The following PID1 variants were observed in gnomAD, a reference collection of about 807,000 sequenced individuals.
PID1 encodes phosphotyrosine interaction domain containing 1.
In PID1, 10 loss-of-function variants were observed where a neutral mutation model predicts 19.1. That is an observed-to-expected ratio of 0.52 (90% CI 0.32 to 0.89). The LOEUF (loss-of-function observed/expected upper bound fraction) is 0.89. Among genes scored for constraint, PID1 ranks in the 40% least tolerant of loss-of-function variants. The pLI, the probability that PID1 is intolerant of heterozygous loss-of-function variation, is 0.03. For synonymous variants in PID1, 130 were observed against 116.0 expected, an observed-to-expected ratio of 1.12 and a Z score of -0.78; for missense variants, 248 against 285.3, an observed-to-expected ratio of 0.87 and a Z score of 0.94.
chr2:229,231,818 T>G, intron 1 of PID1: 1 of 1,508,942 alleles, frequency 6.6e-7, no homozygotes, highest in Non-Finnish European at 8.9e-7. Flanking sequence ...CCAAACCTAC[T>G]TCCCACTCCT....
At chr2:229,096,102 C>A (rs896727824) in intron 2 of PID1, among the ~76,000 whole-genome samples, 4 of 152,112 alleles carry the variant, frequency 2.6e-5, no homozygotes, top group African/African-American at 9.7e-5. Context: ...TGTCTACAAG[C>A]AAAATTCTCT....
chr2:229,089,763 T>C (rs1445351903), intron 2 of PID1, among the ~76,000 whole-genome samples: 1 of 152,202 alleles, frequency 6.6e-6, no homozygotes, highest in Non-Finnish European at 1.5e-5. Flanking sequence ...AAAGACAACA[T>C]AGACTTCAGA....
chr2:229,208,539 G>GATC (rs1417523879), intron 1 of PID1, among the ~76,000 whole-genome samples: 2 of 152,212 alleles, frequency 1.3e-5, no homozygotes, highest in Non-Finnish European at 2.9e-5. Flanking sequence ...TTTATGCAGA[G>GATC]ATCTAGGAGC....
At position 229,065,729 on chromosome 2, in the gene PID1, A is replaced by AAAAAAAAAAAAAAAAG. The variant is rs765746020; in HGVS notation, c.178-39622_178-39621insCTTTTTTTTTTTTTTT. 1.0e-3 allele frequency among the ~76,000 whole-genome samples: 143 copies of AAAAAAAAAAAAAAAAG among 140,702 alleles called. 7 individuals carry two copies. Among genetic ancestry groups the AAAAAAAAAAAAAAAAG allele is most frequent in the African/African-American group, 3.8e-3 (135 of 35,816 alleles). The allele number at this position is 140,702 out of a possible 152,430, so 92.3% of individuals were successfully genotyped here. Reference sequence around the variant, plus strand: ...GTGATTTACAAAAAAAAAAAAAAAAAAAACAGGTTGAAATTCAGAGATTTA... The same window carrying AAAAAAAAAAAAAAAAG: ...GTGATTTACAAAAAAAAAAAAAAAAAAAAAAAAAAAAAAAAGAAACAGGTTGAAATTCAGAGATTTA... On this transcript the variant is annotated intron_variant, in intron 2 of 2. Transcript: ENST00000392055.
At chr2:229,161,480 T>C (rs368395436) in intron 1 of PID1, among the ~76,000 whole-genome samples, 5 of 152,188 alleles carry the variant, frequency 3.3e-5, no homozygotes, top group South Asian at 2.1e-4. Flanking sequence ...AATACAAATA[T>C]ATGGTAATGA....
intron 1 of PID1, among the ~76,000 whole-genome samples, chr2:229,178,938 G>A (rs541227224): frequency 6.6e-6 from 1 of 152,252 alleles, no homozygotes; most frequent in South Asian, 2.1e-4. Context: ...TGACCCCAGG[G>A]TGAGGCCCCA....
chr2:229,071,225 C>G (rs1207751977), intron 2 of PID1, among the ~76,000 whole-genome samples: 1 of 152,206 alleles, frequency 6.6e-6, no homozygotes, highest in East Asian at 1.9e-4. Flanking sequence ...GGTCTGACTA[C>G]ACTGACTCTG....
chr2:229,192,627 A>G (rs1026092265), intron 1 of PID1, among the ~76,000 whole-genome samples: 14 of 152,196 alleles, frequency 9.2e-5, no homozygotes, highest in Non-Finnish European at 2.1e-4. Flanking sequence ...CATACAGGAG[A>G]AGGTTCCTGC....
At chr2:229,185,642 T>A (rs2079995) in intron 1 of PID1, among the ~76,000 whole-genome samples, 1 of 151,900 alleles carries the variant, frequency 6.6e-6, no homozygotes, top group South Asian at 2.1e-4. Context: ...GCAGGAAAAC[T>A]CCCCCTCATA....
chr2:229,192,427 C>T (rs1691279946), intron 1 of PID1, among the ~76,000 whole-genome samples: 1 of 152,140 alleles, frequency 6.6e-6, no homozygotes, highest in East Asian at 1.9e-4. Flanking sequence ...TACTGTAGAC[C>T]TTTGTGATCT....
intron 1 of PID1, among the ~76,000 whole-genome samples, chr2:229,171,242 T>C (rs1158323637): frequency 6.6e-6 from 1 of 152,224 alleles, no homozygotes; most frequent in East Asian, 1.9e-4. Context: ...TTGAACATCA[T>C]CTTGGCAGTT....
rs376491954 is a variant in PID1, at chr2:229,032,363, G to A, written c.178-6255C>T. ...GTGCAAGGCTGCTTCTGGAGGTTCC[G>A]CAACTAACATAGCTGTGCACCAATG... On this transcript the variant is annotated intron_variant, in intron 2 of 2. Coordinates refer to ENST00000392055, the MANE Select transcript of PID1 (RefSeq NM_001100818.2). 1.9e-4 allele frequency among the ~76,000 whole-genome samples: 29 copies of A among 152,282 alleles called. 1 individual carries two copies. Among genetic ancestry groups the A allele is most frequent in the Admixed American group, 6.5e-4 (10 of 15,298 alleles).
At chr2:229,214,270 A>G (rs910139120) in intron 1 of PID1, among the ~76,000 whole-genome samples, 4 of 114,756 alleles carry the variant, frequency 3.5e-5, no homozygotes, top group Admixed American at 8.0e-5. Flanking sequence ...TCTAAACTCA[A>G]GTCATCTTAC....
chr2:229,110,368 C>A (rs1161864622), intron 2 of PID1, among the ~76,000 whole-genome samples: 1 of 152,056 alleles, frequency 6.6e-6, no homozygotes, highest in Non-Finnish European at 1.5e-5. Flanking sequence ...AGCAGTAGTT[C>A]CAAGACAAGA....
chr2:229,258,793 C>T (rs1042010978), intron 1 of PID1, among the ~76,000 whole-genome samples: 14 of 141,786 alleles, frequency 9.9e-5, no homozygotes, highest in Admixed American at 5.4e-4. Flanking sequence ...ACCCAGGAGG[C>T]GGAGCTTGCA....
chr2:229,114,979 A>G (rs1381326813), intron 2 of PID1, among the ~76,000 whole-genome samples: 1 of 152,178 alleles, frequency 6.6e-6, no homozygotes, highest in Non-Finnish European at 1.5e-5. Context: ...ACATGTTATT[A>G]CTGAACAATG....
chr2:229,140,337 T>C (rs1397648019), intron 2 of PID1, among the ~76,000 whole-genome samples: 1 of 151,646 alleles, frequency 6.6e-6, no homozygotes, highest in Non-Finnish European at 1.5e-5. Context: ...GGGAAAGGAG[T>C]TGATGGGACA....
At position 229,271,195 on chromosome 2, in the gene PID1, G is replaced by T. The variant is rs1355024089; in HGVS notation, c.-152C>A. On this transcript the variant is annotated 5_prime_UTR_variant, in exon 1 of 3. Transcript: ENST00000392055. ...CACCGCCGCCGGGTGGGCGTAGGGG[G>T]CTGCGAGCAGGAGGAGGCGCGGCGC... 2.1e-5 allele frequency: 16 copies of T among 752,534 alleles called. No individual in the cohort carries two copies. Among genetic ancestry groups the T allele is most frequent in the Non-Finnish European group, 3.3e-5 (16 of 489,088 alleles). 46.6% of individuals were successfully genotyped at this position (752,534 alleles called of 1,614,324 possible). A position where few individuals can be genotyped will look rare whatever the true frequency, so the allele number is the denominator to read the frequency against.
chr2:229,243,449 T>A (rs1048305844), intron 1 of PID1, among the ~76,000 whole-genome samples: 1 of 152,144 alleles, frequency 6.6e-6, no homozygotes, highest in South Asian at 2.1e-4. Context: ...ATTATAGCAC[T>A]GATTCTGCTG....
Sources: allele counts gnomAD v4.1 joint callset (sites outside exome capture counted in the v4.1 genomes callset), GRCh38; gene constraint gnomAD v4.1.1; transcripts MANE v1.5; gene names NCBI Gene and HGNC (gene_info 2026-07-23, HGNC 2026-07-21).